Variants in CTDSP1 observed in about 807,000 individuals in gnomAD.
CTDSP1 encodes the protein carboxy-terminal domain RNA polymerase II polypeptide A small phosphatase 1.
Under a neutral mutation model 32.5 loss-of-function variants are expected in CTDSP1, and 15 were observed. That is an observed-to-expected ratio of 0.46 (90% CI 0.31 to 0.71). The LOEUF is 0.71. Ranked by LOEUF, CTDSP1 falls within the 30% of genes least tolerant of loss-of-function variation. The probability of loss-of-function intolerance (pLI) is 0.05; values close to 1 mark genes in which losing one functional copy is unlikely to be tolerated. For synonymous variants in CTDSP1, 185 were observed against 145.4 expected (o/e 1.27, Z -1.96); for missense variants, 294 against 351.1 (o/e 0.84, Z 1.30).
upstream of CTDSP1, chr2:218,399,665 G>A (rs1696996897): frequency 3.3e-6 from 3 of 914,654 alleles, no homozygotes; most frequent in Non-Finnish European, 3.9e-6. Context: ...CCACGCAGCC[G>A]CAGAGACTCA....
intron 2 of CTDSP1, 116 bp downstream of exon 2, chr2:218,401,828 A>C: frequency 1.9e-6 from 2 of 1,066,536 alleles, no homozygotes; most frequent in Non-Finnish European, 2.6e-6. Context: ...AAAGGTGCAG[A>C]GTAGGAGGGT....
rs749894302 is a variant in CTDSP1 at position 218,404,311 on chromosome 2, G to A, written c.672G>A (p.Ser224=). Residue 224 remains serine (S), a synonymous_variant, in exon 7 of 7, where the codon TCG becomes TCA. Coordinates refer to ENST00000273062, the MANE Select transcript of CTDSP1 (RefSeq NM_021198.3). The part of the protein sequence containing the change: ...FHPDNAVPVA[S]WFDNMSDTEL... The stretch of plus-strand genomic sequence containing the variant: ...CACTTCCCCAGGTACCGGTGGCCTC[G>A]TGGTTTGACAACATGAGTGACACAG... 1.2e-5 allele frequency: 20 copies of A among 1,613,902 alleles called. No individual in the cohort carries two copies. Among genetic ancestry groups the A allele is most frequent in the Middle Eastern group, 1.6e-4 (1 of 6,084 alleles).
rs545755082 is a variant in CTDSP1 at position 218,402,945 on chromosome 2, C to T, written c.379-90C>T. The stretch of plus-strand genomic sequence containing the variant: ...CGGGCCCAGTCTCCTTCCTGTGCGC[C>T]TCTGCCTCCCTGGCCCATGCCCTGC... On this transcript the variant is annotated intron_variant, in intron 4 of 6. Coordinates refer to ENST00000273062, the MANE Select transcript of CTDSP1 (RefSeq NM_021198.3). 8 of 944,012 alleles carry T rather than the reference C, an allele frequency of 8.5e-6. No individual in the cohort carries two copies. In the South Asian group the frequency reaches 9.5e-5, roughly 11 times the overall value. The allele number at this position is 944,012 out of a possible 1,614,324, so 58.5% of individuals were successfully genotyped here.
upstream of CTDSP1, chr2:218,398,194 G>T (rs974211807): frequency 2.3e-5 from 13 of 556,590 alleles, no homozygotes; most frequent in Admixed American, 3.7e-4. Context: ...GGGCCGGACC[G>T]CAGGGGAGAC....
At chr2:218,404,059 CAA>C (rs762447631) in intron 6 of CTDSP1, among the ~76,000 whole-genome samples, 8 of 134,474 alleles carry the variant, frequency 5.9e-5, no homozygotes, top group Admixed American at 7.4e-5. Flanking sequence ...GACCCTGCCT[CAA>C]AAAAAAAAAA....
chr2:218,405,391 A>G lies in CTDSP1; in HGVS notation c.*966A>G, dbSNP rs967794280. The G allele has an allele frequency of 2.6e-5, 4 of 152,556 alleles. No homozygotes were observed. In the South Asian group the frequency reaches 8.3e-4, roughly 32 times the overall value. 9.5% of individuals were successfully genotyped at this position (152,556 alleles called of 1,614,324 possible). ...TCCCTCACACCCCTTTGCTCCGTTC[A>G]TTCATTCAAAAAAACATTTCTTGAG... On this transcript the variant is annotated 3_prime_UTR_variant, in exon 7 of 7. Coordinates refer to ENST00000273062, the MANE Select transcript of CTDSP1 (RefSeq NM_021198.3).
intron 6 of CTDSP1, chr2:218,403,628 C>A (rs1697270439): frequency 4.1e-6 from 2 of 483,362 alleles, no homozygotes; most frequent in South Asian, 8.8e-5. Context: ...AGCAGAGCAT[C>A]TGCCATGCAC....
chr2:218,405,644 C>G lies in CTDSP1; in HGVS notation c.*1219C>G, dbSNP rs1697372918. On this transcript the variant is annotated 3_prime_UTR_variant, in exon 7 of 7. Coordinates refer to ENST00000273062, the MANE Select transcript of CTDSP1 (RefSeq NM_021198.3). ...AGCCCCCTGCCTGATCCCCTGCTGG[C>G]TGGGGGCAGCTCCCAGGATATCCTG... 1.3e-5 allele frequency: 2 copies of G among 152,918 alleles called. No homozygotes were observed. The highest frequency in any genetic ancestry group is 4.1e-4 in the South Asian group (2 of 4,840). 9.5% of individuals were successfully genotyped at this position (152,918 alleles called of 1,614,324 possible). A position where few individuals can be genotyped will look rare whatever the true frequency, so the allele number is the denominator to read the frequency against.
intron 4 of CTDSP1, chr2:218,402,626 G>T (rs1290804695): frequency 2.6e-6 from 2 of 763,042 alleles, no homozygotes; most frequent in Admixed American, 1.8e-5. Flanking sequence ...CCCGTGCTGT[G>T]CTCCCTCGCC....
In CTDSP1 at chr2:218,405,065, C is replaced by G. The variant is rs1039083821; in HGVS notation, c.*640C>G. On this transcript the variant is annotated 3_prime_UTR_variant, in exon 7 of 7. Transcript: ENST00000273062. ...AGGGCCGACAGCTGAGGGCTGCTCC[C>G]TGCATCATCCAAGCAATGACCTCAG... 4.6e-5 allele frequency: 7 copies of G among 152,974 alleles called. No individual in the cohort carries two copies. The highest frequency in any genetic ancestry group is 1.0e-4 in the Non-Finnish European group (7 of 68,198). The allele number at this position is 152,974 out of a possible 1,614,324, so 9.5% of individuals were successfully genotyped here.
upstream of CTDSP1, chr2:218,399,717 G>A (rs1253683776): frequency 2.0e-6 from 2 of 996,544 alleles, no homozygotes; most frequent in African/African-American, 1.7e-5. Flanking sequence ...ACGCCCCCTG[G>A]AGCGCGGCAG....
intron 4 of CTDSP1, 188 bp from the exon 5 acceptor site, chr2:218,402,847 T>G: frequency 1.5e-6 from 1 of 664,398 alleles, no homozygotes; most frequent in Middle Eastern, 2.9e-4. Context: ...AGTGGAAGTT[T>G]TGATCGTTTT....
upstream of CTDSP1, among the ~76,000 whole-genome samples, chr2:218,397,543 C>G (rs997978477): frequency 6.6e-6 from 1 of 152,212 alleles, no homozygotes; most frequent in African/African-American, 2.4e-5. Context: ...TTGGAAGAGA[C>G]GCTTCCAAAT....
rs1006766513 is a variant in CTDSP1 at position 218,404,504 on chromosome 2, T to A, written c.*79T>A. The A allele has an allele frequency of 6.4e-7, 1 of 1,564,292 alleles. No individual in the cohort carries two copies. Among genetic ancestry groups the A allele is most frequent in the Non-Finnish European group, 8.7e-7 (1 of 1,149,782 alleles). On this transcript the variant is annotated 3_prime_UTR_variant, in exon 7 of 7. Coordinates refer to ENST00000273062, the MANE Select transcript of CTDSP1 (RefSeq NM_021198.3). Reference sequence around the variant, plus strand: ...CCAGGAAGACTGCCCAGGCCTTTGTTAGGAAAACCCATGGGCCGCCGCCAC... The same window carrying A: ...CCAGGAAGACTGCCCAGGCCTTTGTAAGGAAAACCCATGGGCCGCCGCCAC...
At chr2:218,398,556 G>C, upstream of CTDSP1, 3 of 1,015,664 alleles carry the variant, frequency 3.0e-6, no homozygotes, top group Non-Finnish European at 4.0e-6. Flanking sequence ...TCTGGCAGAC[G>C]CCGCTCCCCT....
upstream of CTDSP1, among the ~76,000 whole-genome samples, chr2:218,397,499 CCT>C (rs1696881932): frequency 6.6e-6 from 1 of 152,158 alleles, no homozygotes; most frequent in Non-Finnish European, 1.5e-5. Context: ...TTTTACCAGC[CCT>C]GTTTGGCAGA....
chr2:218,403,176 C>A (rs752867676), intron 5 of CTDSP1, 49 bp downstream of exon 5: 1 of 1,613,096 alleles, frequency 6.2e-7, no homozygotes, highest in Non-Finnish European at 8.5e-7. Flanking sequence ...TACCTACCTC[C>A]CGCATGCAGC....
upstream of CTDSP1, chr2:218,398,385 C>T (rs577024279): frequency 6.5e-6 from 10 of 1,534,088 alleles, no homozygotes; most frequent in East Asian, 7.3e-5. Context: ...ACGCCAGCAG[C>T]GTGTGGCGAT....
chr2:218,399,597 G>A (rs1286230543), upstream of CTDSP1: 1 of 406,298 alleles, frequency 2.5e-6, no homozygotes, highest in Non-Finnish European at 3.3e-6. Context: ...CTCCCGGCGG[G>A]CGGGCCTTGG....
Sources: gnomAD v4.1 joint callset for allele counts (sites outside exome capture counted in the v4.1 genomes callset) on GRCh38, gnomAD v4.1.1 for gene constraint, MANE v1.5 for transcripts, NCBI Gene and HGNC (gene_info 2026-07-23, HGNC 2026-07-21) for gene names.